The following ARHGEF3 variants were observed in gnomAD, a reference collection of about 807,000 sequenced individuals.
ARHGEF3 encodes the protein Rho guanine nucleotide exchange factor 3.
ARHGEF3 carries 28 observed loss-of-function variants against 63.2 expected under a neutral mutation model. The ratio of observed to expected loss-of-function variants is 0.44; its 90% CI spans 0.33 to 0.61. The LOEUF (loss-of-function observed/expected upper bound fraction) is 0.61. Ranked by LOEUF, ARHGEF3 falls within the 20% of genes least tolerant of loss-of-function variation. The pLI, the probability that ARHGEF3 is intolerant of heterozygous loss-of-function variation, is 0.03. For synonymous variants in ARHGEF3, 266 were observed against 254.2 expected (o/e 1.05, Z -0.44); for missense variants, 533 against 659.3 (o/e 0.81, Z 2.10).
At chr3:56,904,715 T>C (rs183672308) in intron 3 of ARHGEF3, among the ~76,000 whole-genome samples, 86 of 152,258 alleles carry the variant, frequency 5.6e-4, no homozygotes, top group Non-Finnish European at 1.1e-3. Context: ...ACAAAGAACA[T>C]CTGTTTTGTA....
intron 3 of ARHGEF3, among the ~76,000 whole-genome samples, chr3:56,940,430 G>C (rs993760989): frequency 2.0e-5 from 3 of 152,166 alleles, no homozygotes; most frequent in Non-Finnish European, 4.4e-5. Flanking sequence ...ATGCAAATCT[G>C]CTCAACTGGC....
intron 8 of ARHGEF3, among the ~76,000 whole-genome samples, chr3:56,734,302 C>A (rs1319629622): frequency 6.6e-6 from 1 of 152,142 alleles, no homozygotes; most frequent in African/African-American, 2.4e-5. Context: ...TTGGGAATGT[C>A]AATCCAGCAG....
chr3:56,949,659 T>C (rs2106672875), intron 3 of ARHGEF3, among the ~76,000 whole-genome samples: 1 of 152,206 alleles, frequency 6.6e-6, no homozygotes, highest in Non-Finnish European at 1.5e-5. Context: ...GAACATTCCA[T>C]GCTCATGAGT....
At chr3:56,744,179 T>C (rs893341728) in intron 7 of ARHGEF3, among the ~76,000 whole-genome samples, 1 of 152,130 alleles carries the variant, frequency 6.6e-6, no homozygotes, top group East Asian at 1.9e-4. Flanking sequence ...CGACCTGTCC[T>C]GTCATTTCCT....
At chr3:56,968,427 A>G (rs1214972698) in intron 2 of ARHGEF3, among the ~76,000 whole-genome samples, 1 of 135,316 alleles carries the variant, frequency 7.4e-6, no homozygotes, top group African/African-American at 2.8e-5. Flanking sequence ...GCAGCCTTGA[A>G]CTCCCCAGCT....
chr3:56,859,839 C>T (rs1459347766), intron 4 of ARHGEF3, among the ~76,000 whole-genome samples: 7 of 151,942 alleles, frequency 4.6e-5, no homozygotes, highest in African/African-American at 1.7e-4. Context: ...CACCCAGCCC[C>T]GTTGGTACAC....
chr3:56,782,930 G>A (rs2036628028), intron 1 of ARHGEF3, among the ~76,000 whole-genome samples: 1 of 152,234 alleles, frequency 6.6e-6, no homozygotes. Context: ...ATTAATGTTA[G>A]AGGGATGACG....
chr3:57,062,448 C>T (rs1034334238), intron 1 of ARHGEF3, among the ~76,000 whole-genome samples: 2 of 152,236 alleles, frequency 1.3e-5, no homozygotes, highest in African/African-American at 4.8e-5. Flanking sequence ...CTCAGGAGCA[C>T]GGCGGCGGGG....
chr3:57,022,684 ACCAATCTC>A (rs1398252487), intron 2 of ARHGEF3, among the ~76,000 whole-genome samples: 1 of 151,570 alleles, frequency 6.6e-6, no homozygotes, highest in Non-Finnish European at 1.5e-5. Context: ...TTGACTGGGA[ACCAATCTC>A]CCGAGACTGC....
chr3:56,931,575 CAAAAAAAAAAA>C (rs10596928), intron 3 of ARHGEF3, among the ~76,000 whole-genome samples: 3 of 58,934 alleles, frequency 5.1e-5, no homozygotes, highest in East Asian at 5.8e-4. Context: ...GATCCTGTCT[CAAAAAAAAAAA>C]AAAAAAAAAA....
intron 1 of ARHGEF3, among the ~76,000 whole-genome samples, chr3:57,076,576 A>G (rs1706232840): frequency 6.6e-6 from 1 of 152,158 alleles, no homozygotes; most frequent in Non-Finnish European, 1.5e-5. Flanking sequence ...GGAGATGACA[A>G]GTTCCCTGTG....
chr3:56,975,646 G>A (rs1701096512), intron 2 of ARHGEF3: 1 of 256,412 alleles, frequency 3.9e-6, no homozygotes, highest in Non-Finnish European at 7.8e-6. Context: ...AGGCATCAGA[G>A]TGGGATTCAA....
In ARHGEF3 at chr3:56,732,222, C is replaced by T. The variant is rs1182150281; in HGVS notation, c.1228+16G>A. On this transcript the variant is annotated intron_variant, in intron 9 of 9. Coordinates refer to ENST00000296315, the MANE Select transcript of ARHGEF3 (RefSeq NM_019555.3). ...CCAAAAACATTCAACAGGTCAACCC[C>T]GACTGCTATCCATACTTCTCTCATT... The T allele has an allele frequency of 3.1e-6, 5 of 1,613,170 alleles. No individual in the cohort carries two copies. The highest frequency in any genetic ancestry group is 4.2e-6 in the Non-Finnish European group (5 of 1,180,014).
intron 1 of ARHGEF3, among the ~76,000 whole-genome samples, chr3:57,075,590 A>G (rs1706180071): frequency 6.6e-6 from 1 of 151,778 alleles, no homozygotes; most frequent in African/African-American, 2.4e-5. Flanking sequence ...GCAGATGATC[A>G]CTTGAGCTCA....
intron 2 of ARHGEF3, among the ~76,000 whole-genome samples, chr3:56,978,139 T>C (rs1701194658): frequency 6.6e-6 from 1 of 151,192 alleles, no homozygotes; most frequent in Admixed American, 6.7e-5. Flanking sequence ...TCTGAAAAGA[T>C]AAATTTATCA....
chr3:56,975,756 A>T (rs1422783429), intron 2 of ARHGEF3: 1 of 417,208 alleles, frequency 2.4e-6, no homozygotes, highest in Non-Finnish European at 4.6e-6. Flanking sequence ...AAACTCAAAC[A>T]CTTACTATGT....
At chr3:56,956,168 T>C (rs564588245) in intron 3 of ARHGEF3, among the ~76,000 whole-genome samples, 2 of 152,312 alleles carry the variant, frequency 1.3e-5, no homozygotes, top group East Asian at 3.9e-4. Flanking sequence ...CAACATTGCA[T>C]TGAACTCTGA....
chr3:56,883,224 G>C (rs1336107015), intron 3 of ARHGEF3, among the ~76,000 whole-genome samples: 1 of 152,024 alleles, frequency 6.6e-6, no homozygotes, highest in East Asian at 1.9e-4. Context: ...TTGGACTGAA[G>C]ATAACTGTAT....
intron 2 of ARHGEF3, among the ~76,000 whole-genome samples, chr3:57,010,679 A>C (rs1702661394): frequency 6.6e-6 from 1 of 152,170 alleles, no homozygotes; most frequent in Non-Finnish European, 1.5e-5. Context: ...TCCACTGTTC[A>C]CAGTCAAAGT....
Sources: allele counts gnomAD v4.1 joint callset (sites outside exome capture counted in the v4.1 genomes callset), GRCh38; gene constraint gnomAD v4.1.1; transcripts MANE v1.5; gene names NCBI Gene and HGNC (gene_info 2026-07-23, HGNC 2026-07-21).